Variants in MAP4 observed in about 807,000 individuals in gnomAD.
The protein encoded by MAP4 is microtubule associated protein 4.
Under a neutral mutation model 170.2 loss-of-function variants are expected in MAP4, and 76 were observed. That is an observed-to-expected ratio of 0.45 (90% confidence interval 0.37 to 0.54). MAP4 has a LOEUF of 0.54. Ranked by LOEUF, MAP4 falls within the 20% of genes least tolerant of loss-of-function variation. MAP4 has a pLI of 0.00. For synonymous variants in MAP4, 909 were observed against 994.5 expected, an observed-to-expected ratio of 0.91 and a Z score of 1.62; for missense variants, 2,506 against 2,748.0, an observed-to-expected ratio of 0.91 and a Z score of 1.97.
intron 6 of MAP4, among the ~76,000 whole-genome samples, chr3:47,917,509 C>T (rs2100040384): frequency 6.6e-6 from 1 of 151,356 alleles, no homozygotes; most frequent in Non-Finnish European, 1.5e-5. Context: ...TTGCTAGAAC[C>T]CAGGAGGCGG....
At position 47,916,543 on chromosome 3, in the gene MAP4, T is replaced by C. The variant is rs770446198; in HGVS notation, c.1284A>G (p.Thr428=). ...CCACCTTCTCAGCAGAGGATATTTC[T>C]GTGGATGATATAATGTCATTAGCCT... ...VAQANDIISS[T]EISSAEKVAL... is the part of the protein sequence containing the mutation. The change falls in exon 7 of 21, where the codon ACA becomes ACG. Residue 428 remains threonine (T), a synonymous_variant. Coordinates refer to ENST00000683076, the MANE Select transcript of MAP4 (RefSeq NM_001385682.1). The C allele has an allele frequency of 3.7e-6, 6 of 1,614,024 alleles. No homozygotes were observed. In the African/African-American group the frequency reaches 8.0e-5, roughly 22 times the overall value.
intron 2 of MAP4, among the ~76,000 whole-genome samples, chr3:47,993,487 T>C (rs1405261305): frequency 6.6e-6 from 1 of 152,204 alleles, no homozygotes; most frequent in African/African-American, 2.4e-5. Context: ...GACATCTCAA[T>C]TGGTTCAGTT....
At chr3:47,865,834 C>T (rs552219465) in intron 17 of MAP4, among the ~76,000 whole-genome samples, 1 of 152,190 alleles carries the variant, frequency 6.6e-6, no homozygotes, top group Non-Finnish European at 1.5e-5. Flanking sequence ...TACCACTTTT[C>T]TAGGCACTGT....
chr3:47,869,473 C>A (rs1187889812), intron 15 of MAP4, 146 bp from the exon 16 acceptor site: 1 of 626,378 alleles, frequency 1.6e-6, no homozygotes, highest in Non-Finnish European at 2.9e-6. Flanking sequence ...CAAAACCATA[C>A]ATTTCCCAGG....
At position 47,910,472 on chromosome 3, in the gene MAP4, G is replaced by A. The variant is rs556879779; in HGVS notation, c.3949C>T (p.Pro1317Ser). Reference sequence around the variant, plus strand: ...CTCACATCTGTCACCTTGGCAGGTGGTTCAGTAACAGTAGAAGCCTTGACT... The same window carrying A: ...CTCACATCTGTCACCTTGGCAGGTGATTCAGTAACAGTAGAAGCCTTGACT... ...STVKASTVTE[P>S]PAKVTDVSCQ... The change falls in exon 9 of 21, where the codon CCA (proline) becomes TCA (serine). Residue 1317 changes from proline (P) to serine (S), a missense_variant. Around this residue, in one of 3 missense-constraint regions of MAP4, gnomAD observed 2,008 missense variants for 2,206.0 expected, o/e 0.91. Coordinates refer to ENST00000683076, the MANE Select transcript of MAP4 (RefSeq NM_001385682.1). 2 of 1,536,024 alleles carry A rather than the reference G, an allele frequency of 1.3e-6. No individual in the cohort carries two copies. The highest frequency in any genetic ancestry group is 1.4e-5 in the African/African-American group (1 of 73,118).
chr3:47,909,844 G>C lies in MAP4; in HGVS notation c.4577C>G (p.Ser1526Cys). 6.2e-7 allele frequency: 1 copy of C among 1,614,018 alleles called. No homozygotes were observed. Among genetic ancestry groups the C allele is most frequent in the Non-Finnish European group, 8.5e-7 (1 of 1,179,872 alleles). Reference sequence around the variant, plus strand: ...AGCAAGCTCAGCTTTATTCTTAAGAGAGTGATCTCCATGAATGTTAACTGT... The same window carrying C: ...AGCAAGCTCAGCTTTATTCTTAAGACAGTGATCTCCATGAATGTTAACTGT... Reference protein sequence around the residue: ...IETVNIHGDHSLKNKAELADS... With the variant: ...IETVNIHGDHCLKNKAELADS... The change falls in exon 9 of 21, where the codon TCT becomes TGT. Residue 1526 changes from serine (S) to cysteine (C), a missense_variant. Physicochemically the swap from Ser to Cys is moderately radical, Grantham distance 112. Around this residue, in one of 3 missense-constraint regions of MAP4, gnomAD observed 2,008 missense variants for 2,206.0 expected, o/e 0.91. Transcript: ENST00000683076.
chr3:47,981,659 A>G (rs2100085491), intron 2 of MAP4, among the ~76,000 whole-genome samples: 1 of 151,856 alleles, frequency 6.6e-6, no homozygotes, highest in Non-Finnish European at 1.5e-5. Context: ...CAACTACTCT[A>G]GAGGCTGAAG....
intron 1 of MAP4, among the ~76,000 whole-genome samples, chr3:48,062,675 C>A (rs2100136418): frequency 6.6e-6 from 1 of 151,396 alleles, no homozygotes; most frequent in Non-Finnish European, 1.5e-5. Context: ...GTAATCCCAG[C>A]ACTTTGGGAG....
intron 1 of MAP4, among the ~76,000 whole-genome samples, chr3:48,078,311 ATTTTTT>A (rs758589017): frequency 1.6e-5 from 2 of 125,242 alleles, no homozygotes; most frequent in African/African-American, 3.0e-5. Context: ...TGCCTGGCTA[ATTTTTT>A]TTTTTTTTTT....
chr3:48,072,678 A>C (rs1319005879), intron 1 of MAP4, among the ~76,000 whole-genome samples: 1 of 152,200 alleles, frequency 6.6e-6, no homozygotes, highest in Non-Finnish European at 1.5e-5. Flanking sequence ...AAAGGTATAG[A>C]AGAGCAGAGA....
In MAP4 at chr3:47,974,496, A is replaced by G. The variant is rs1036387995; in HGVS notation, c.292+3369T>C. Reference sequence around the variant, plus strand: ...CCAATTATTTCTTTTAAGCTGAAATAATCTGTACCTTGGGGGTTATAAGAA... The same window carrying G: ...CCAATTATTTCTTTTAAGCTGAAATGATCTGTACCTTGGGGGTTATAAGAA... On this transcript the variant is annotated intron_variant, in intron 3 of 20. Coordinates refer to ENST00000683076, the MANE Select transcript of MAP4 (RefSeq NM_001385682.1). The G allele has an allele frequency of 3.0e-6, 3 of 984,266 alleles. No individual in the cohort carries two copies. In the African/African-American group the frequency reaches 5.2e-5, roughly 17 times the overall value. 61.0% of individuals were successfully genotyped at this position (984,266 alleles called of 1,614,324 possible).
intron 3 of MAP4, among the ~76,000 whole-genome samples, chr3:47,968,558 A>G (rs1160620505): frequency 6.6e-6 from 1 of 152,218 alleles, no homozygotes; most frequent in Non-Finnish European, 1.5e-5. Context: ...AAAACACAAC[A>G]TATCAAATCT....
chr3:47,891,035 G>A (rs1199403993), intron 10 of MAP4: 2 of 1,485,016 alleles, frequency 1.3e-6, no homozygotes, highest in East Asian at 4.9e-5. Flanking sequence ...ATCACGTGGG[G>A]GCTTTTCAAA....
chr3:47,930,096 C>G (rs1476313528), intron 3 of MAP4, among the ~76,000 whole-genome samples: 1 of 152,034 alleles, frequency 6.6e-6, no homozygotes, highest in East Asian at 1.9e-4. Context: ...TGCCACTGTA[C>G]TGCAGCCTGG....
At chr3:47,858,781 G>A (rs1410429653) in intron 17 of MAP4, among the ~76,000 whole-genome samples, 1 of 151,756 alleles carries the variant, frequency 6.6e-6, no homozygotes, top group Non-Finnish European at 1.5e-5. Context: ...GACCAGCCTG[G>A]CCAGCACAGT....
intron 2 of MAP4, among the ~76,000 whole-genome samples, chr3:47,991,074 A>G (rs1044817663): frequency 6.6e-6 from 1 of 152,198 alleles, no homozygotes; most frequent in Non-Finnish European, 1.5e-5. Flanking sequence ...ATCCAAAGAA[A>G]AGGAATAAAG....
At chr3:47,861,227 G>C (rs1285489752) in intron 17 of MAP4, among the ~76,000 whole-genome samples, 2 of 152,140 alleles carry the variant, frequency 1.3e-5, no homozygotes, top group African/African-American at 4.8e-5. Context: ...TGGGTGTGGT[G>C]GTGGGCACTG....
chr3:48,007,627 C>T (rs979789011), intron 1 of MAP4, among the ~76,000 whole-genome samples: 1 of 150,870 alleles, frequency 6.6e-6, no homozygotes, highest in South Asian at 2.1e-4. Context: ...ATGGAGACTT[C>T]TAGGATTTTG....
At chr3:48,042,166 G>A (rs759589622) in intron 1 of MAP4, among the ~76,000 whole-genome samples, 1 of 152,218 alleles carries the variant, frequency 6.6e-6, no homozygotes, top group South Asian at 2.1e-4. Flanking sequence ...AAATAAGCGG[G>A]AGCTTACAAC....
Sources: gnomAD v4.1 joint callset for allele counts (sites outside exome capture counted in the v4.1 genomes callset) on GRCh38, gnomAD v4.1.1 for gene constraint, gnomAD v4.1.1 regional missense constraint, MANE v1.5 for transcripts, NCBI Gene and HGNC (gene_info 2026-07-23, HGNC 2026-07-21) for gene names.